The following ADCK1 variants were observed in gnomAD, a reference collection of about 807,000 sequenced individuals.
The protein encoded by ADCK1 is aarF domain containing kinase 1.
ADCK1 carries 41 observed loss-of-function variants against 52.3 expected under a neutral mutation model. That is an observed-to-expected ratio of 0.78 (90% CI 0.61 to 1.02). The LOEUF is 1.02. Ranked by LOEUF, ADCK1 falls within the 50% of genes least tolerant of loss-of-function variation. The pLI, the probability that ADCK1 is intolerant of heterozygous loss-of-function variation, is 0.00. For synonymous variants in ADCK1, 250 were observed against 274.6 expected, an observed-to-expected ratio of 0.91 and a Z score of 0.89; for missense variants, 658 against 679.5, an observed-to-expected ratio of 0.97 and a Z score of 0.35.
chr14:77,876,273 C>T (rs1035081366), intron 4 of ADCK1, among the ~76,000 whole-genome samples: 4 of 152,210 alleles, frequency 2.6e-5, no homozygotes, highest in African/African-American at 9.6e-5. Context: ...CTTCCTTCAT[C>T]TTTACAGCCA....
At chr14:77,893,576 C>T (rs1431628858) in intron 5 of ADCK1, among the ~76,000 whole-genome samples, 1 of 152,090 alleles carries the variant, frequency 6.6e-6, no homozygotes, top group East Asian at 1.9e-4. Flanking sequence ...GGGTGGGACT[C>T]TTTGGCCTGA....
intron 3 of ADCK1, among the ~76,000 whole-genome samples, chr14:77,831,628 A>G (rs1047277174): frequency 2.0e-5 from 3 of 152,178 alleles, no homozygotes; most frequent in Non-Finnish European, 4.4e-5. Flanking sequence ...TTTGTTGTCC[A>G]GGCTGAAGTG....
At chr14:77,926,829 A>G (rs577590939) in intron 9 of ADCK1, among the ~76,000 whole-genome samples, 111 of 152,256 alleles carry the variant, frequency 7.3e-4, no homozygotes, top group Non-Finnish European at 1.3e-3. Flanking sequence ...TGCTTGCACG[A>G]CAGAAGCTTA....
intron 7 of ADCK1, among the ~76,000 whole-genome samples, chr14:77,910,531 T>G (rs1006138670): frequency 1.3e-5 from 2 of 152,124 alleles, no homozygotes; most frequent in African/African-American, 4.8e-5. Context: ...CGCCTGCTGA[T>G]CAGGAAATAT....
At chr14:77,807,169 C>T (rs1030004956) in intron 1 of ADCK1, among the ~76,000 whole-genome samples, 74 of 147,660 alleles carry the variant, frequency 5.0e-4, no homozygotes, top group African/African-American at 1.8e-3. Flanking sequence ...CCCGGGTCCA[C>T]GCCATTCTCC....
At chr14:77,925,998 G>A (rs747241900) in intron 9 of ADCK1, 37 bp downstream of exon 9, 1 of 1,611,600 alleles carries the variant, frequency 6.2e-7, no homozygotes, top group South Asian at 1.1e-5. Flanking sequence ...CTTCCTAAAT[G>A]CAGAAGGCAG....
intron 3 of ADCK1, among the ~76,000 whole-genome samples, chr14:77,842,746 C>A (rs1271634928): frequency 1.1e-4 from 16 of 151,880 alleles, no homozygotes; most frequent in Non-Finnish European, 1.5e-5. Context: ...AGACAGGTTT[C>A]ACCATGTTGG....
At chr14:77,808,758 T>C (rs1032891142) in intron 1 of ADCK1, among the ~76,000 whole-genome samples, 2 of 152,146 alleles carry the variant, frequency 1.3e-5, no homozygotes, top group Admixed American at 6.6e-5. Flanking sequence ...GTATTTTTAG[T>C]AGAGACGGAG....
intron 5 of ADCK1, among the ~76,000 whole-genome samples, chr14:77,893,371 G>A (rs1294223139): frequency 2.6e-5 from 4 of 152,078 alleles, no homozygotes; most frequent in African/African-American, 9.7e-5. Flanking sequence ...GGCAGGGTAG[G>A]ACTCAGATGA....
At chr14:77,877,801 T>C (rs4903664) in intron 4 of ADCK1, among the ~76,000 whole-genome samples, 80,651 of 152,088 alleles carry the variant, frequency 0.53, 21,630 homozygotes, top group South Asian at 0.65. Context: ...GATGGAGTCT[T>C]GTTAATGTTG....
At chr14:77,839,412 G>A (rs933485436) in intron 3 of ADCK1, among the ~76,000 whole-genome samples, 9 of 152,142 alleles carry the variant, frequency 5.9e-5, no homozygotes, top group African/African-American at 1.9e-4. Flanking sequence ...GTGCTGGGGC[G>A]AGCTCAGGAT....
chr14:77,900,609 A>C (rs1275834242), intron 6 of ADCK1: 1 of 456,084 alleles, frequency 2.2e-6, no homozygotes, highest in African/African-American at 2.0e-5. Flanking sequence ...CAACAACAAA[A>C]AAGAAATGGG....
chr14:77,824,787 T>C (rs2081658403), intron 3 of ADCK1, among the ~76,000 whole-genome samples: 1 of 152,128 alleles, frequency 6.6e-6, no homozygotes, highest in Non-Finnish European at 1.5e-5. Context: ...AATGTCCAAA[T>C]AAGGTAGATA....
chr14:77,859,362 G>A (rs12887455), intron 4 of ADCK1, 83 bp downstream of exon 4: 41,186 of 1,385,260 alleles, frequency 0.03, 713 homozygotes, highest in Non-Finnish European at 0.035. Context: ...CCTCGACCAG[G>A]GTGCTGGGGA....
intron 5 of ADCK1, among the ~76,000 whole-genome samples, chr14:77,890,329 A>G (rs1422017530): frequency 6.6e-6 from 1 of 152,156 alleles, no homozygotes; most frequent in Non-Finnish European, 1.5e-5. Context: ...GTTCCTCTCC[A>G]TATCAGCCTC....
chr14:77,933,218 A>T lies in ADCK1; in HGVS notation c.1401-2A>T. The T allele has an allele frequency of 1.9e-6, 3 of 1,610,238 alleles. No individual in the cohort carries two copies. Among genetic ancestry groups the T allele is most frequent in the Non-Finnish European group, 2.5e-6 (3 of 1,177,370 alleles). ...TCTCCTTTTTTCTTTCCCTTTTTCC[A>T]GGCACAAGAAGAAGAATACCTGTTC... is the stretch of plus-strand genomic sequence containing the variant. On this transcript the variant is annotated splice_acceptor_variant, in intron 10 of 10. Coordinates refer to ENST00000238561, the MANE Select transcript of ADCK1 (RefSeq NM_020421.4). LOFTEE classifies it high-confidence loss of function.
chr14:77,818,018 G>A (rs540151355), intron 1 of ADCK1, among the ~76,000 whole-genome samples: 14 of 151,970 alleles, frequency 9.2e-5, no homozygotes, highest in Admixed American at 3.3e-4. Flanking sequence ...GATTACAGGC[G>A]TGAGCCACCA....
At chr14:77,848,892 C>T (rs1265385490) in intron 3 of ADCK1, among the ~76,000 whole-genome samples, 4 of 151,172 alleles carry the variant, frequency 2.6e-5, no homozygotes, top group African/African-American at 9.7e-5. Context: ...GTGGCATGAT[C>T]TCAACTCACT....
chr14:77,897,405 T>C lies in ADCK1; in HGVS notation c.583-1695T>C, dbSNP rs1336582420. Reference sequence around the variant, plus strand: ...CAGGAACTTGGGCACCCATCTCAAATCCAGGGCCCTGGTGGTGGGGCAGCC... The same window carrying C: ...CAGGAACTTGGGCACCCATCTCAAACCCAGGGCCCTGGTGGTGGGGCAGCC... On this transcript the variant is annotated intron_variant, in intron 5 of 10. Coordinates refer to ENST00000238561, the MANE Select transcript of ADCK1 (RefSeq NM_020421.4). Among the ~76,000 whole-genome samples, 4 of 152,272 alleles carry C rather than the reference T, an allele frequency of 2.6e-5. No individual in the cohort carries two copies. The East Asian group carries it at 7.7e-4, about 29-fold the overall frequency.
Sources: gnomAD v4.1 joint callset for allele counts (sites outside exome capture counted in the v4.1 genomes callset) on GRCh38, gnomAD v4.1.1 for gene constraint, MANE v1.5 for transcripts, NCBI Gene and HGNC (gene_info 2026-07-23, HGNC 2026-07-21) for gene names.